The following ADARB1 variants were observed in gnomAD, a reference collection of about 807,000 sequenced individuals.
ADARB1 encodes double-stranded RNA-specific editase 1.
A neutral mutation model predicts 52.4 loss-of-function variants in ADARB1; 10 were observed. The observed-to-expected ratio is 0.19, with a 90% CI of 0.12 to 0.32. ADARB1 has a LOEUF of 0.32. Ranked by LOEUF, ADARB1 falls within the 10% of genes least tolerant of loss-of-function variation. ADARB1 has a pLI of 1.00. For missense variants in ADARB1, 643 were observed against 922.3 expected (o/e 0.70, Z 3.92); for synonymous variants, 349 against 371.1 (o/e 0.94, Z 0.68).
At chr21:45,134,647 A>G in intron 2 of ADARB1, 1 of 432,004 alleles carries the variant, frequency 2.3e-6, no homozygotes, top group Non-Finnish European at 4.6e-6. Context: ...ATCCCTATGG[A>G]CAAGGCAGTA....
At chr21:45,181,124 C>T (rs2091917003) in intron 5 of ADARB1, among the ~76,000 whole-genome samples, 2 of 152,212 alleles carry the variant, frequency 1.3e-5, no homozygotes, top group Admixed American at 1.3e-4. Context: ...ATCTGCTCAG[C>T]CCAGCCTGGA....
rs540673460 is a variant in ADARB1, at chr21:45,172,550, A to G, written c.28+866A>G. On this transcript the variant is annotated intron_variant, in intron 3 of 10. Transcript: ENST00000348831. This position sits in a 1 kb window ranked among gnomAD's most constrained non-coding sequence, Gnocchi z 4.4. ...GGTCTTGGAGTCACTCTTGCGTACC[A>G]TGTAGAACCCAAACCATGACCCAGT... is the stretch of plus-strand genomic sequence containing the variant. Among the ~76,000 whole-genome samples, 18 of 152,178 alleles carry G rather than the reference A, an allele frequency of 1.2e-4. No individual in the cohort carries two copies. Among genetic ancestry groups the G allele is most frequent in the Non-Finnish European group, 1.2e-4 (8 of 68,040 alleles).
At chr21:45,194,881 T>C (rs1275026025) in intron 8 of ADARB1, among the ~76,000 whole-genome samples, 1 of 152,248 alleles carries the variant, frequency 6.6e-6, no homozygotes, top group African/African-American at 2.4e-5. Flanking sequence ...TATAAATATC[T>C]GTGTGCAGGT....
In ADARB1 at chr21:45,224,777, A is replaced by G. The variant is rs2093035270; in HGVS notation, c.*2580A>G. The G allele has an allele frequency of 1.0e-6, 1 of 983,366 alleles. No homozygotes were observed. The highest frequency in any genetic ancestry group is 1.2e-6 in the Non-Finnish European group (1 of 829,896). The allele number at this position is 983,366 out of a possible 1,614,324, so 60.9% of individuals were successfully genotyped here. ...ACGTGCAGGGGACCAGAGGCTCTGCACTGCTCCTAGGACAGCTCATCTGTA... is the reference window on the plus strand; with the variant it reads ...ACGTGCAGGGGACCAGAGGCTCTGCGCTGCTCCTAGGACAGCTCATCTGTA... On this transcript the variant is annotated 3_prime_UTR_variant, in exon 11 of 11. Coordinates refer to ENST00000348831, the MANE Select transcript of ADARB1 (RefSeq NM_001112.4).
chr21:45,113,300 G>A (rs1033808021), intron 1 of ADARB1, among the ~76,000 whole-genome samples: 2 of 152,096 alleles, frequency 1.3e-5, no homozygotes, highest in Non-Finnish European at 2.9e-5. Flanking sequence ...TTGCACACCT[G>A]TAGTCCCAGC....
intron 3 of ADARB1, among the ~76,000 whole-genome samples, chr21:45,175,283 A>G (rs1273426965): frequency 6.6e-6 from 1 of 152,210 alleles, no homozygotes; most frequent in Non-Finnish European, 1.5e-5. Flanking sequence ...ATGAGGGTAA[A>G]CAACAGTGAA....
intron 1 of ADARB1, among the ~76,000 whole-genome samples, chr21:45,087,885 C>A (rs1187333010): frequency 6.6e-6 from 1 of 152,056 alleles, no homozygotes; most frequent in Non-Finnish European, 1.5e-5. Context: ...GAGAACTGTA[C>A]AAAATAGTAG....
intron 9 of ADARB1, among the ~76,000 whole-genome samples, chr21:45,219,195 G>GT (rs2146449903): frequency 6.6e-6 from 1 of 152,286 alleles, no homozygotes; most frequent in South Asian, 2.1e-4. Flanking sequence ...AGACATTTTT[G>GT]TAAGTGCTGA....
chr21:45,182,390 A>G (rs1298929633), intron 5 of ADARB1, among the ~76,000 whole-genome samples, 195 bp from the exon 6 acceptor site: 6 of 152,230 alleles, frequency 3.9e-5, no homozygotes, highest in African/African-American at 9.6e-5. Context: ...TGAGTCCTCA[A>G]TAGGAGGTTG....
intron 1 of ADARB1, among the ~76,000 whole-genome samples, chr21:45,116,173 G>A (rs1569023892): frequency 1.3e-5 from 2 of 152,232 alleles, no homozygotes; most frequent in Admixed American, 6.5e-5. Context: ...ACAGTGGCAG[G>A]AACAGCTGCT....
intron 1 of ADARB1, among the ~76,000 whole-genome samples, chr21:45,127,283 G>C (rs755256700): frequency 3.3e-5 from 5 of 152,162 alleles, no homozygotes; most frequent in African/African-American, 7.2e-5. Flanking sequence ...TTGGGAGCTT[G>C]AATCTGGTGT....
At chr21:45,150,982 G>A (rs1189595101) in intron 2 of ADARB1, among the ~76,000 whole-genome samples, 1 of 152,200 alleles carries the variant, frequency 6.6e-6, no homozygotes, top group African/African-American at 2.4e-5. Context: ...CAGGAGGGCA[G>A]TCCTCTGTCC....
intron 1 of ADARB1, among the ~76,000 whole-genome samples, chr21:45,121,124 C>G (rs1376152127): frequency 6.6e-6 from 1 of 152,152 alleles, no homozygotes; most frequent in Non-Finnish European, 1.5e-5. Context: ...ATACTGGGCT[C>G]GTAAAACGAG....
chr21:45,144,835 A>G (rs2089927568), intron 2 of ADARB1: 2 of 230,252 alleles, frequency 8.7e-6, no homozygotes, highest in African/African-American at 2.3e-5. Context: ...TCATGCCGGG[A>G]GAGTCTAAAT....
rs1290784706 is a variant in ADARB1, at chr21:45,176,578, C to T, written c.877C>T (p.Leu293=). ...CAAGGCCCGGGCTGCGCAGTCTGCC[C>T]TGGCCGCCATTTTTAACTTGCACTT... ...LAKARAAQSA[L]AAIFNLHLDQ... Residue 293 remains leucine (L), a synonymous_variant, in exon 4 of 11, where the codon CTG becomes TTG. Coordinates refer to ENST00000348831, the MANE Select transcript of ADARB1 (RefSeq NM_001112.4). The surrounding 1 kb of genome is among the most constrained non-coding windows in gnomAD (Gnocchi z 5.8). The T allele has an allele frequency of 1.2e-6, 2 of 1,614,214 alleles. No homozygotes were observed. The highest frequency in any genetic ancestry group is 1.7e-5 in the Admixed American group (1 of 60,030).
chr21:45,185,234 G>A, intron 8 of ADARB1, 143 bp downstream of exon 8: 1 of 1,147,274 alleles, frequency 8.7e-7, no homozygotes, highest in East Asian at 2.6e-5. Context: ...GAAGGACTGA[G>A]GTTCTAAACA....
At position 45,176,804 on chromosome 21, in the gene ADARB1, T is replaced by C; in HGVS notation, c.963+140T>C. On this transcript the variant is annotated intron_variant, in intron 4 of 10. Coordinates refer to ENST00000348831, the MANE Select transcript of ADARB1 (RefSeq NM_001112.4). This position sits in a 1 kb window ranked among gnomAD's most constrained non-coding sequence, Gnocchi z 5.8. ...CCCACCAGGAGGAGTTACTGGTAAG[T>C]CTGGCTGCTTGATTTCCATGGCCAT... 9.9e-7 allele frequency: 1 copy of C among 1,008,260 alleles called. No individual in the cohort carries two copies. The highest frequency in any genetic ancestry group is 1.4e-6 in the Non-Finnish European group (1 of 710,814). 62.5% of individuals were successfully genotyped at this position (1,008,260 alleles called of 1,614,324 possible).
At chr21:45,083,495 AG>A (rs1234584155) in intron 1 of ADARB1, among the ~76,000 whole-genome samples, 1 of 152,232 alleles carries the variant, frequency 6.6e-6, no homozygotes, top group African/African-American at 2.4e-5. Flanking sequence ...ATCCTGGAAA[AG>A]TAGCTCTGTC....
chr21:45,149,839 C>G (rs2090193643), intron 2 of ADARB1, among the ~76,000 whole-genome samples: 1 of 152,252 alleles, frequency 6.6e-6, no homozygotes, highest in African/African-American at 2.4e-5. Flanking sequence ...CGGCCTACAT[C>G]CTGTTTTTTG....
Sources: gnomAD v4.1 joint callset for allele counts (sites outside exome capture counted in the v4.1 genomes callset) on GRCh38, gnomAD v4.1.1 for gene constraint, Gnocchi (gnomAD v3.1) non-coding constraint, MANE v1.5 for transcripts, NCBI Gene and HGNC (gene_info 2026-07-23, HGNC 2026-07-21) for gene names.